Variants in GALNTL5 observed in about 807,000 individuals in gnomAD.
The protein encoded by GALNTL5 is inactive polypeptide N-acetylgalactosaminyltransferase-like protein 5.
GALNTL5 carries 44 observed loss-of-function variants against 51.0 expected under a neutral mutation model. That is an observed-to-expected ratio of 0.86 (90% confidence interval 0.68 to 1.11). The LOEUF (loss-of-function observed/expected upper bound fraction) is 1.11. GALNTL5 is among the 50% of genes least tolerant of loss of function. The pLI, the probability that GALNTL5 is intolerant of heterozygous loss-of-function variation, is 0.00. For synonymous variants in GALNTL5, 192 were observed against 182.8 expected, an observed-to-expected ratio of 1.05 and a Z score of -0.41; for missense variants, 528 against 531.8, an observed-to-expected ratio of 0.99 and a Z score of 0.07.
At chr7:151,970,228 G>T (rs2081118088) in intron 2 of GALNTL5, among the ~76,000 whole-genome samples, 1 of 152,068 alleles carries the variant, frequency 6.6e-6, no homozygotes, top group Admixed American at 6.5e-5. Context: ...GGTGGGCTCA[G>T]TACATTCTGC....
intron 3 of GALNTL5, among the ~76,000 whole-genome samples, chr7:151,977,084 A>G (rs1194394783): frequency 6.6e-6 from 1 of 152,216 alleles, no homozygotes; most frequent in East Asian, 1.9e-4. Flanking sequence ...TATACAAATG[A>G]TGTCAAACAG....
intron 5 of GALNTL5, among the ~76,000 whole-genome samples, chr7:151,990,895 A>T: frequency 6.6e-6 from 1 of 152,186 alleles, no homozygotes; most frequent in South Asian, 2.1e-4. Context: ...TTGGATGGCT[A>T]AATGCGTAGA....
intron 3 of GALNTL5, chr7:151,982,719 T>C (rs935040099): frequency 3.8e-6 from 2 of 533,160 alleles, no homozygotes; most frequent in Non-Finnish European, 6.6e-6. Flanking sequence ...ATGTTTAAAA[T>C]AGAACTGAGA....
intron 8 of GALNTL5, among the ~76,000 whole-genome samples, chr7:152,016,720 G>A (rs777223773): frequency 2.1e-4 from 32 of 152,134 alleles, no homozygotes; most frequent in Middle Eastern, 6.8e-3. Flanking sequence ...ATATTTAGTC[G>A]CTATAATCCT....
chr7:151,967,171 T>C, intron 1 of GALNTL5, 37 bp from the exon 2 acceptor site: 1 of 1,334,940 alleles, frequency 7.5e-7, no homozygotes, highest in South Asian at 1.3e-5. Context: ...ACCATTGGAA[T>C]ATCTAATGCT....
intron 5 of GALNTL5, among the ~76,000 whole-genome samples, chr7:152,001,799 A>G (rs1175386884): frequency 6.6e-6 from 1 of 152,182 alleles, no homozygotes; most frequent in African/African-American, 2.4e-5. Flanking sequence ...CTAAATCTGT[A>G]GATTAGTATG....
chr7:152,007,397 A>T, intron 6 of GALNTL5, among the ~76,000 whole-genome samples: 1 of 147,090 alleles, frequency 6.8e-6, no homozygotes, highest in African/African-American at 2.5e-5. Flanking sequence ...GGATAATTTT[A>T]GTATTAATGT....
intron 7 of GALNTL5, among the ~76,000 whole-genome samples, chr7:152,008,227 A>G (rs2081677103): frequency 7.2e-6 from 1 of 138,538 alleles, no homozygotes. Context: ...CAGCCTCAGC[A>G]ACATAGCAAG....
At chr7:151,975,282 A>G (rs925780773) in intron 3 of GALNTL5, among the ~76,000 whole-genome samples, 2 of 151,946 alleles carry the variant, frequency 1.3e-5, no homozygotes, top group African/African-American at 2.4e-5. Context: ...CAGTTTCTTC[A>G]TGATTCAGTC....
intron 3 of GALNTL5, among the ~76,000 whole-genome samples, chr7:151,981,271 A>G (rs1327955351): frequency 6.6e-6 from 1 of 152,232 alleles, no homozygotes; most frequent in Non-Finnish European, 1.5e-5. Flanking sequence ...AGGAAGAATC[A>G]TAATCATGTA....
intron 8 of GALNTL5, among the ~76,000 whole-genome samples, chr7:152,018,269 C>T (rs151173426): frequency 1.2e-4 from 18 of 152,328 alleles, no homozygotes; most frequent in Middle Eastern, 3.4e-3. Flanking sequence ...GGGGTAATAT[C>T]CAAATGATCT....
chr7:152,014,882 A>G, intron 8 of GALNTL5, 89 bp downstream of exon 8: 1 of 1,287,148 alleles, frequency 7.8e-7, no homozygotes. Flanking sequence ...TTCCAGATCC[A>G]GCGTTTGTTC....
At chr7:151,968,051 T>C (rs1431411434) in intron 2 of GALNTL5, among the ~76,000 whole-genome samples, 1 of 152,196 alleles carries the variant, frequency 6.6e-6, no homozygotes, top group Non-Finnish European at 1.5e-5. Flanking sequence ...ATCTCGACCC[T>C]TTGGGAGGCC....
chr7:151,998,208 G>A (rs147751112), intron 5 of GALNTL5, among the ~76,000 whole-genome samples: 3,859 of 151,804 alleles, frequency 0.025, 80 homozygotes, highest in Non-Finnish European at 0.039. Flanking sequence ...GACTGTCTCT[G>A]TAAAAACATC....
chr7:152,016,592 C>T (rs186762341), intron 8 of GALNTL5, among the ~76,000 whole-genome samples: 111 of 152,204 alleles, frequency 7.3e-4, no homozygotes, highest in African/African-American at 2.5e-3. Flanking sequence ...GCTACAGAAG[C>T]GCATGCTTTT....
chr7:151,981,182 C>T lies in GALNTL5; in HGVS notation c.369-1804C>T, dbSNP rs113229533. On this transcript the variant is annotated intron_variant, in intron 3 of 8. Transcript: ENST00000392800. Reference sequence around the variant, plus strand: ...GGAAAAGGTAAAGTCCCACCAGTTTCTCCTTGGGTCCTTGCCTATAAGAAA... The same window carrying T: ...GGAAAAGGTAAAGTCCCACCAGTTTTTCCTTGGGTCCTTGCCTATAAGAAA... 3.0e-3 allele frequency among the ~76,000 whole-genome samples: 462 copies of T among 152,332 alleles called. 1 individual carries two copies. Among genetic ancestry groups the T allele is most frequent in the African/African-American group, 0.011 (439 of 41,568 alleles).
At chr7:151,992,280 C>G (rs2081437256) in intron 5 of GALNTL5, among the ~76,000 whole-genome samples, 1 of 151,874 alleles carries the variant, frequency 6.6e-6, no homozygotes, top group Non-Finnish European at 1.5e-5. Context: ...TCTGACTTAT[C>G]ATTTAGTTAC....
At chr7:151,991,186 G>A (rs534383130) in intron 5 of GALNTL5, among the ~76,000 whole-genome samples, 1 of 152,130 alleles carries the variant, frequency 6.6e-6, no homozygotes, top group East Asian at 1.9e-4. Context: ...TCAGCCTCCC[G>A]GGTTCAAGTG....
intron 8 of GALNTL5, among the ~76,000 whole-genome samples, chr7:152,019,415 C>T (rs1357098710): frequency 6.6e-6 from 1 of 152,208 alleles, no homozygotes; most frequent in Non-Finnish European, 1.5e-5. Context: ...CCCAGTCTTC[C>T]TGGATCCCGC....
Sources: gnomAD v4.1 joint callset for allele counts (sites outside exome capture counted in the v4.1 genomes callset) on GRCh38, gnomAD v4.1.1 for gene constraint, MANE v1.5 for transcripts, NCBI Gene and HGNC (gene_info 2026-07-23, HGNC 2026-07-21) for gene names.